SLC39A11: variants seen among roughly 807,000 people sequenced by gnomAD.
The protein encoded by SLC39A11 is solute carrier family 39 member 11.
In SLC39A11, 33 loss-of-function variants were observed where a neutral mutation model predicts 36.1. The observed-to-expected ratio is 0.91, with a 90% confidence interval of 0.69 to 1.22. The LOEUF is 1.22. SLC39A11 is among the 50% of genes most tolerant of loss of function. The pLI is 0.00. For missense variants in SLC39A11, 432 were observed against 430.3 expected (o/e 1.00, Z -0.03); for synonymous variants, 166 against 170.3 (o/e 0.97, Z 0.20).
At chr17:72,963,976 A>AT (rs1489695483) in intron 4 of SLC39A11, among the ~76,000 whole-genome samples, 1 of 152,216 alleles carries the variant, frequency 6.6e-6, no homozygotes, top group Non-Finnish European at 1.5e-5. Context: ...GCTGCAAAAT[A>AT]TAAGTTTTAG....
chr17:72,648,336 A>C (rs1052025504), intron 9 of SLC39A11, among the ~76,000 whole-genome samples: 4 of 121,216 alleles, frequency 3.3e-5, no homozygotes, highest in Non-Finnish European at 5.6e-5. Flanking sequence ...CCATTAAAAA[A>C]AAAAAAAAAA....
intron 6 of SLC39A11, among the ~76,000 whole-genome samples, chr17:72,832,896 G>A (rs2078349446): frequency 6.6e-6 from 1 of 152,182 alleles, no homozygotes. Context: ...CTGGGGCTTT[G>A]GGAAAAATGG....
intron 6 of SLC39A11, among the ~76,000 whole-genome samples, chr17:72,801,976 T>C (rs2077098546): frequency 1.3e-5 from 2 of 152,018 alleles, no homozygotes; most frequent in African/African-American, 4.8e-5. Flanking sequence ...ATATACCGAG[T>C]CATCTGTCAA....
intron 5 of SLC39A11, among the ~76,000 whole-genome samples, chr17:72,866,532 C>T (rs1211616835): frequency 6.6e-6 from 1 of 151,942 alleles, no homozygotes; most frequent in Non-Finnish European, 1.5e-5. Flanking sequence ...AAGTAGTATA[C>T]CAAATCTTAA....
chr17:72,776,905 T>TG (rs1238115778), intron 6 of SLC39A11, among the ~76,000 whole-genome samples: 1 of 152,152 alleles, frequency 6.6e-6, no homozygotes, highest in Non-Finnish European at 1.5e-5. Context: ...GAGCAGTCAC[T>TG]GGGGGCCCTA....
Position 73,074,775 on chromosome 17 carries a change from C to T in SLC39A11, c.147+10033G>A, listed in dbSNP as rs150910313. Among the ~76,000 whole-genome samples the T allele has an allele frequency of 7.2e-5, 11 of 152,268 alleles. No individual in the cohort carries two copies. The East Asian group carries it at 2.1e-3, about 29-fold the overall frequency. On this transcript the variant is annotated intron_variant, in intron 3 of 9. Coordinates refer to ENST00000255559, the MANE Select transcript of SLC39A11 (RefSeq NM_139177.4). ...CTTGCTGCACAAAAGCAGACTTAGC[C>T]AAAACCTCCTTAATAAAATCATGTC...
At chr17:72,846,120 C>A (rs987343804) in intron 6 of SLC39A11, among the ~76,000 whole-genome samples, 14 of 145,570 alleles carry the variant, frequency 9.6e-5, no homozygotes, top group Non-Finnish European at 1.6e-4. Context: ...ACCTCTGCCT[C>A]CTGGGTTCAA....
chr17:72,851,085 A>C lies in SLC39A11; in HGVS notation c.431-1281T>G, dbSNP rs535579280. On this transcript the variant is annotated intron_variant, in intron 5 of 9. Transcript: ENST00000255559. ...ATACATCAACAAGCAGAGATGGGAA[A>C]CCATGCAGCTAGACAGGAGAGAGAA... Among the ~76,000 whole-genome samples, 84 of 152,126 alleles carry C rather than the reference A, an allele frequency of 5.5e-4. 2 individuals are homozygous for C. In the South Asian group the frequency reaches 0.015, roughly 28 times the overall value.
chr17:73,013,004 G>T (rs1353293412), intron 4 of SLC39A11, among the ~76,000 whole-genome samples: 2 of 152,116 alleles, frequency 1.3e-5, no homozygotes, highest in East Asian at 1.9e-4. Context: ...TTACCATGTT[G>T]GCCAGGCTGG....
chr17:72,894,418 G>A (rs1172213787), intron 5 of SLC39A11, among the ~76,000 whole-genome samples: 17 of 131,830 alleles, frequency 1.3e-4, no homozygotes, highest in South Asian at 2.5e-4. Flanking sequence ...GCCTGTAATC[G>A]CAGCACTTTG....
chr17:72,708,175 C>T (rs930278014), intron 7 of SLC39A11, among the ~76,000 whole-genome samples: 1 of 152,122 alleles, frequency 6.6e-6, no homozygotes, highest in African/African-American at 2.4e-5. Context: ...CCAGGAGGTG[C>T]CCAGATATTT....
At chr17:72,727,910 GTCT>G (rs1056906999) in intron 7 of SLC39A11, among the ~76,000 whole-genome samples, 4 of 152,192 alleles carry the variant, frequency 2.6e-5, no homozygotes, top group African/African-American at 9.7e-5. Flanking sequence ...GTGCCTGCCT[GTCT>G]TCTTCCCAGG....
At chr17:72,939,186 C>A (rs146934442) in intron 5 of SLC39A11, among the ~76,000 whole-genome samples, 2 of 152,076 alleles carry the variant, frequency 1.3e-5, no homozygotes, top group Non-Finnish European at 2.9e-5. Context: ...CTAGGCAGGG[C>A]GTGGTGGCTC....
At chr17:72,828,635 G>A (rs189527175) in intron 6 of SLC39A11, among the ~76,000 whole-genome samples, 39 of 152,314 alleles carry the variant, frequency 2.6e-4, no homozygotes, top group African/African-American at 8.9e-4. Context: ...TGTTTGAGAG[G>A]AGTCTCCGCA....
chr17:72,740,342 GGCGTAA>G (rs1318949683), intron 6 of SLC39A11, among the ~76,000 whole-genome samples: 1 of 152,036 alleles, frequency 6.6e-6, no homozygotes, highest in Non-Finnish European at 1.5e-5. Context: ...TGGGATTACA[GGCGTAA>G]GCCACCGCGC....
In SLC39A11 at chr17:72,922,978, A is replaced by C. The variant is rs61453811; in HGVS notation, c.430+24774T>G. Among the ~76,000 whole-genome samples, 481 of 115,880 alleles carry C rather than the reference A, an allele frequency of 4.2e-3. 5 individuals carry two copies. Among genetic ancestry groups the C allele is most frequent in the South Asian group, 0.011 (42 of 3,672 alleles). 76.0% of individuals were successfully genotyped at this position (115,880 alleles called of 152,430 possible). A position where few individuals can be genotyped will look rare whatever the true frequency, so the allele number is the denominator to read the frequency against. On this transcript the variant is annotated intron_variant, in intron 5 of 9. Coordinates refer to ENST00000255559, the MANE Select transcript of SLC39A11 (RefSeq NM_139177.4). ...TCCTTCTCAAAAAAAAAAAAAAAAA[A>C]AAAAAAAAAAAACACACAGAAAATA...
chr17:73,006,047 G>A (rs2090160104), intron 4 of SLC39A11, among the ~76,000 whole-genome samples: 2 of 152,068 alleles, frequency 1.3e-5, no homozygotes, highest in Non-Finnish European at 2.9e-5. Context: ...CACCGTGCCT[G>A]AGACAGGACA....
chr17:72,893,825 G>A (rs1310559741), intron 5 of SLC39A11, among the ~76,000 whole-genome samples: 3 of 152,162 alleles, frequency 2.0e-5, no homozygotes, highest in African/African-American at 4.8e-5. Flanking sequence ...CCCATTGTTG[G>A]AGAGAAAGTT....
At chr17:72,870,276 T>C (rs905322091) in intron 5 of SLC39A11, among the ~76,000 whole-genome samples, 2 of 151,752 alleles carry the variant, frequency 1.3e-5, no homozygotes, top group African/African-American at 4.8e-5. Flanking sequence ...GTCCTCTTCC[T>C]CTCCCTAACA....
Sources: allele counts gnomAD v4.1 joint callset (sites outside exome capture counted in the v4.1 genomes callset), GRCh38; gene constraint gnomAD v4.1.1; transcripts MANE v1.5; gene names NCBI Gene and HGNC (gene_info 2026-07-23, HGNC 2026-07-21).